The following DOK6 variants were observed in gnomAD, a reference collection of about 807,000 sequenced individuals.
DOK6 encodes the protein docking protein 6.
DOK6 carries 22 observed loss-of-function variants against 44.0 expected under a neutral mutation model. That is an observed-to-expected ratio of 0.50 (90% CI 0.36 to 0.71). DOK6 has a LOEUF of 0.71. DOK6 is among the 30% of genes least tolerant of loss of function. The probability of loss-of-function intolerance (pLI) is 0.00; values close to 1 mark genes in which losing one functional copy is unlikely to be tolerated. For missense variants in DOK6, 340 were observed against 416.4 expected (o/e 0.82, Z 1.60); for synonymous variants, 166 against 145.5 (o/e 1.14, Z -1.01).
At chr18:69,576,074 G>A (rs147868660) in intron 2 of DOK6, among the ~76,000 whole-genome samples, 211 of 152,242 alleles carry the variant, frequency 1.4e-3, no homozygotes, top group Middle Eastern at 3.4e-3. Flanking sequence ...TTCTTCAGAA[G>A]TGTACATTGG....
At chr18:69,665,703 T>C (rs1985639877) in intron 3 of DOK6, among the ~76,000 whole-genome samples, 1 of 152,228 alleles carries the variant, frequency 6.6e-6, no homozygotes, top group African/African-American at 2.4e-5. Flanking sequence ...AGAGAAGTTT[T>C]GGATTTCTTT....
chr18:69,605,425 A>G (rs1289200064), intron 3 of DOK6, among the ~76,000 whole-genome samples: 1 of 152,138 alleles, frequency 6.6e-6, no homozygotes, highest in Non-Finnish European at 1.5e-5. Flanking sequence ...CCTGATGCTA[A>G]TTACCAAACG....
intron 7 of DOK6, among the ~76,000 whole-genome samples, chr18:69,786,580 G>A (rs964437448): frequency 6.6e-6 from 1 of 152,154 alleles, no homozygotes; most frequent in South Asian, 2.1e-4. Context: ...CTTGCACAAT[G>A]AAGTGTTATT....
intron 1 of DOK6, among the ~76,000 whole-genome samples, chr18:69,445,719 T>C (rs1979266487): frequency 6.6e-6 from 1 of 152,178 alleles, no homozygotes; most frequent in South Asian, 2.1e-4. Context: ...TTTTGGAGAA[T>C]ATCAAAAATC....
At chr18:69,824,056 A>ATTTT (rs1263079155) in intron 7 of DOK6, among the ~76,000 whole-genome samples, 5 of 106,552 alleles carry the variant, frequency 4.7e-5, no homozygotes, top group South Asian at 5.8e-4. Flanking sequence ...TTTTTTTTAA[A>ATTTT]AATTATACTT....
chr18:69,817,277 T>C (rs891656028), intron 7 of DOK6, among the ~76,000 whole-genome samples: 4 of 152,162 alleles, frequency 2.6e-5, no homozygotes, highest in Non-Finnish European at 4.4e-5. Context: ...CTTTATTTAG[T>C]GAAAGAAGTC....
chr18:69,409,309 A>G (rs1390239244), intron 1 of DOK6, among the ~76,000 whole-genome samples: 1 of 152,218 alleles, frequency 6.6e-6, no homozygotes, highest in Admixed American at 6.5e-5. Flanking sequence ...CAGCGTGAGA[A>G]TGGACTAATA....
chr18:69,515,458 T>A (rs1320799843), intron 1 of DOK6, among the ~76,000 whole-genome samples: 2 of 152,232 alleles, frequency 1.3e-5, no homozygotes, highest in African/African-American at 4.8e-5. Context: ...TTTTCCTTTG[T>A]TTCTGGGCCA....
chr18:69,560,432 A>T (rs866042420), intron 1 of DOK6, among the ~76,000 whole-genome samples: 3 of 152,230 alleles, frequency 2.0e-5, no homozygotes, highest in Middle Eastern at 3.4e-3. Flanking sequence ...GTCATGTATT[A>T]GTGAATGTCA....
At chr18:69,647,747 A>T (rs558920596) in intron 3 of DOK6, among the ~76,000 whole-genome samples, 2 of 152,068 alleles carry the variant, frequency 1.3e-5, no homozygotes, top group Non-Finnish European at 2.9e-5. Context: ...CTGGAAACTT[A>T]TGTCTCCTAC....
intron 6 of DOK6, among the ~76,000 whole-genome samples, chr18:69,757,304 G>A (rs977766016): frequency 4.6e-5 from 7 of 152,174 alleles, no homozygotes; most frequent in Non-Finnish European, 8.8e-5. Context: ...AAATAATAAC[G>A]GGTATTCTGT....
chr18:69,519,846 T>C lies in DOK6; in HGVS notation c.67-44641T>C, dbSNP rs1550596. ...ATAATGGCATTAATACTCATAACTG[T>C]ATTATGCTGGCATTGTCAATAAACC... is the stretch of plus-strand genomic sequence containing the variant. On this transcript the variant is annotated intron_variant, in intron 1 of 7. Coordinates refer to ENST00000382713, the MANE Select transcript of DOK6 (RefSeq NM_152721.6). Among the ~76,000 whole-genome samples, 1,093 of 152,010 alleles carry C rather than the reference T, an allele frequency of 7.2e-3. 8 individuals are homozygous for C. Among genetic ancestry groups the C allele is most frequent in the African/African-American group, 0.025 (1,042 of 41,554 alleles).
intron 1 of DOK6, among the ~76,000 whole-genome samples, chr18:69,428,361 A>G (rs903250468): frequency 2.0e-5 from 3 of 152,096 alleles, no homozygotes; most frequent in Non-Finnish European, 4.4e-5. Flanking sequence ...CATTCATTCC[A>G]TGATACAGAT....
chr18:69,744,703 T>C (rs933383976), intron 6 of DOK6, among the ~76,000 whole-genome samples: 12 of 151,970 alleles, frequency 7.9e-5, no homozygotes, highest in African/African-American at 2.9e-4. Flanking sequence ...GGCGGACAGA[T>C]CACTTGAGGT....
intron 3 of DOK6, among the ~76,000 whole-genome samples, chr18:69,640,377 G>A (rs1984910719): frequency 6.6e-6 from 1 of 152,100 alleles, no homozygotes; most frequent in South Asian, 2.1e-4. Flanking sequence ...AGGTACAATT[G>A]TATAAAAAAA....
intron 1 of DOK6, among the ~76,000 whole-genome samples, chr18:69,480,638 G>A (rs900055645): frequency 4.6e-5 from 7 of 152,146 alleles, no homozygotes; most frequent in African/African-American, 1.7e-4. Flanking sequence ...AGGATATTGT[G>A]TAATCCCTCT....
At chr18:69,695,086 AT>A (rs1313948004) in intron 4 of DOK6, among the ~76,000 whole-genome samples, 4 of 152,212 alleles carry the variant, frequency 2.6e-5, no homozygotes, top group Admixed American at 2.0e-4. Context: ...ACATGGCATC[AT>A]TTTCCAAAGT....
At chr18:69,558,523 A>G (rs1982746153) in intron 1 of DOK6, among the ~76,000 whole-genome samples, 1 of 152,204 alleles carries the variant, frequency 6.6e-6, no homozygotes, top group South Asian at 2.1e-4. Context: ...AGATCTGATC[A>G]AAATATGACT....
intron 3 of DOK6, among the ~76,000 whole-genome samples, chr18:69,645,299 C>T (rs182595250): frequency 1.3e-4 from 20 of 152,300 alleles, no homozygotes; most frequent in African/African-American, 4.6e-4. Context: ...CTGCTGACAA[C>T]CACGAACCTG....
Sources: allele counts gnomAD v4.1 joint callset (sites outside exome capture counted in the v4.1 genomes callset), GRCh38; gene constraint gnomAD v4.1.1; transcripts MANE v1.5; gene names NCBI Gene and HGNC (gene_info 2026-07-23, HGNC 2026-07-21).